Variants in SLC9A3 observed in about 807,000 individuals in gnomAD.
SLC9A3 encodes the protein solute carrier family 9 member A3, also known as sodium/hydrogen exchanger 3.
In SLC9A3, 37 loss-of-function variants were observed where a neutral mutation model predicts 86.8. The ratio of observed to expected loss-of-function variants is 0.43; its 90% CI spans 0.33 to 0.56. SLC9A3 has a LOEUF of 0.56. SLC9A3 is among the 20% of genes least tolerant of loss of function. The probability of loss-of-function intolerance (pLI) is 0.06; values close to 1 mark genes in which losing one functional copy is unlikely to be tolerated. For missense variants in SLC9A3, 1,011 were observed against 1,171.9 expected, an observed-to-expected ratio of 0.86 and a Z score of 2.00; for synonymous variants, 581 against 528.3, an observed-to-expected ratio of 1.10 and a Z score of -1.37.
At chr5:520,326 C>G (rs1227292105) in intron 1 of SLC9A3, among the ~76,000 whole-genome samples, 1 of 152,208 alleles carries the variant, frequency 6.6e-6, no homozygotes, top group African/African-American at 2.4e-5. Flanking sequence ...AATTGTAACT[C>G]CCCCAGTTCC....
chr5:521,062 C>T lies in SLC9A3; in HGVS notation c.211+3050G>A, dbSNP rs76970932. Among the ~76,000 whole-genome samples, 10 of 152,234 alleles carry T rather than the reference C, an allele frequency of 6.6e-5. No homozygotes were observed. In the South Asian group the frequency reaches 8.3e-4, roughly 13 times the overall value. ...GCCTGAGGCAGACACTAGGCCCTGC[C>T]GCCTCCACTGCTAAAGACTTCCTCG... On this transcript the variant is annotated intron_variant, in intron 1 of 16. Transcript: ENST00000264938.
chr5:479,657 C>T (rs1739025479), intron 10 of SLC9A3, 179 bp downstream of exon 10: 1 of 612,960 alleles, frequency 1.6e-6, no homozygotes, highest in South Asian at 1.9e-5. Flanking sequence ...CAGTTTACCC[C>T]ACGAGAGCCC....
chr5:502,507 A>G (rs534118667), intron 1 of SLC9A3, among the ~76,000 whole-genome samples: 2 of 152,382 alleles, frequency 1.3e-5, no homozygotes, highest in East Asian at 3.9e-4. Context: ...CACCGGTCGC[A>G]ACGTCCTGGG....
intron 1 of SLC9A3, among the ~76,000 whole-genome samples, chr5:495,394 C>T (rs553399615): frequency 1.6e-4 from 24 of 146,754 alleles, no homozygotes; most frequent in African/African-American, 5.5e-4. Flanking sequence ...GCGCCATCGC[C>T]GACCCTCCCC....
rs763807389 is a variant in SLC9A3, at chr5:482,067, C to T, written c.1446+1G>A. 3.5e-6 allele frequency: 5 copies of T among 1,445,036 alleles called. No homozygotes were observed. The highest frequency in any genetic ancestry group is 4.8e-6 in the Non-Finnish European group (5 of 1,045,916). 89.5% of individuals were successfully genotyped at this position (1,445,036 alleles called of 1,614,324 possible). On this transcript the variant is annotated splice_donor_variant, in intron 8 of 16. Coordinates refer to ENST00000264938, the MANE Select transcript of SLC9A3 (RefSeq NM_004174.4). LOFTEE classifies it high-confidence loss of function. ...CCCCCGCCCCCCAGCCCCGCACTTA[C>T]GCGCCCGTGCAGCTTCTCGTTGAGC... is the stretch of plus-strand genomic sequence containing the variant.
Position 472,280 on chromosome 5 carries a change from G to C in SLC9A3, c.*1099C>G, listed in dbSNP as rs1738401573. 2.9e-6 allele frequency: 1 copy of C among 350,222 alleles called. No homozygotes were observed. 21.7% of individuals were successfully genotyped at this position (350,222 alleles called of 1,614,324 possible). On this transcript the variant is annotated 3_prime_UTR_variant, in exon 17 of 17. Coordinates refer to ENST00000264938, the MANE Select transcript of SLC9A3 (RefSeq NM_004174.4). The stretch of plus-strand genomic sequence containing the variant: ...AGGGGTGGGAAGGGTCAGGGGTCCG[G>C]GGTCTAGGACAGGCTCAGGGGTCTC...
At chr5:517,997 G>A (rs563073839) in intron 1 of SLC9A3, among the ~76,000 whole-genome samples, 7 of 150,454 alleles carry the variant, frequency 4.7e-5, no homozygotes, top group South Asian at 2.1e-4. Context: ...ATCAATCCAC[G>A]CATCCATCCA....
intron 10 of SLC9A3, chr5:479,278 G>C (rs1241408950): frequency 6.4e-6 from 1 of 155,628 alleles, no homozygotes; most frequent in African/African-American, 2.4e-5. Flanking sequence ...GGGCAGGTGC[G>C]GGAGCCAGGG....
In SLC9A3 at chr5:497,149, C is replaced by T. The variant is rs1740052826; in HGVS notation, c.212-5078G>A. Reference sequence around the variant, plus strand: ...GCTAGCCTCAGAGAGACAGTCTTTCCACACAGATGTCTGTTCTTGAAATCC... The same window carrying T: ...GCTAGCCTCAGAGAGACAGTCTTTCTACACAGATGTCTGTTCTTGAAATCC... On this transcript the variant is annotated intron_variant, in intron 1 of 16. Coordinates refer to ENST00000264938, the MANE Select transcript of SLC9A3 (RefSeq NM_004174.4). The surrounding 1 kb of genome is among the most constrained non-coding windows in gnomAD (Gnocchi z 5.4). Among the ~76,000 whole-genome samples, 1 of 152,162 alleles carries T rather than the reference C, an allele frequency of 6.6e-6. No individual in the cohort carries two copies. Among genetic ancestry groups the T allele is most frequent in the South Asian group, 2.1e-4 (1 of 4,826 alleles).
chr5:524,027 G>A (rs941468417), intron 1 of SLC9A3, 85 bp downstream of exon 1: 1 of 915,430 alleles, frequency 1.1e-6, no homozygotes. Context: ...CCGACCTGAT[G>A]CGCGCGGCCA....
intron 4 of SLC9A3, among the ~76,000 whole-genome samples, 165 bp from the exon 5 acceptor site, chr5:484,862 G>A (rs926467283): frequency 6.6e-6 from 1 of 152,238 alleles, no homozygotes; most frequent in Non-Finnish European, 1.5e-5. Context: ...GGTTCAGCAA[G>A]TGGGGAGGAC....
intron 7 of SLC9A3, 138 bp from the exon 8 acceptor site, chr5:482,295 G>A (rs1041773920): frequency 5.7e-5 from 41 of 714,452 alleles, no homozygotes; most frequent in Admixed American, 4.5e-4. Context: ...AGCAACCCGC[G>A]CCCCTGCTTT....
chr5:479,647 C>T, intron 10 of SLC9A3, 189 bp downstream of exon 10: 1 of 592,984 alleles, frequency 1.7e-6, no homozygotes, highest in Non-Finnish European at 3.0e-6. Context: ...CTCTGTGACT[C>T]AGTTTACCCC....
In SLC9A3 at chr5:496,554, A is replaced by C. The variant is rs66857504; in HGVS notation, c.212-4483T>G. ...TGTCTTCAGCGGCAGGTAGATTTTC[A>C]CTTTCAAAAATGTTGCTCTCATCTT... On this transcript the variant is annotated intron_variant, in intron 1 of 16. Coordinates refer to ENST00000264938, the MANE Select transcript of SLC9A3 (RefSeq NM_004174.4). This position sits in a 1 kb window ranked among gnomAD's most constrained non-coding sequence, Gnocchi z 4.7. Among the ~76,000 whole-genome samples, 17,972 of 152,244 alleles carry C rather than the reference A, an allele frequency of 0.12. 1,404 individuals carry two copies. Among genetic ancestry groups the C allele is most frequent in the African/African-American group, 0.22 (8,988 of 41,508 alleles).
intron 1 of SLC9A3, among the ~76,000 whole-genome samples, chr5:509,653 G>A (rs1392037956): frequency 6.6e-6 from 1 of 152,178 alleles, no homozygotes; most frequent in Non-Finnish European, 1.5e-5. Flanking sequence ...AACCAAGCTT[G>A]CGGTTCCAGA....
intron 9 of SLC9A3, 40 bp from the exon 10 acceptor site, chr5:480,005 G>A (rs997452344): frequency 1.3e-6 from 2 of 1,594,374 alleles, no homozygotes; most frequent in African/African-American, 1.3e-5. Flanking sequence ...CAGGTGACAG[G>A]CGCCCTAGAG....
rs1186414370 is a variant in SLC9A3 at position 475,113 on chromosome 5, A to T, written c.2271T>A (p.Phe757Leu). Residue 757 changes from phenylalanine to leucine, a missense_variant, in exon 16 of 17, where the codon TTT becomes TTA. Coordinates refer to ENST00000264938, the MANE Select transcript of SLC9A3 (RefSeq NM_004174.4). Reference sequence around the variant, plus strand: ...TGCGGTCCAGGGCCTCGTCCGGAGAAAACACAGGGTTGTCAATTCCTAGGA... The same window carrying T: ...TGCGGTCCAGGGCCTCGTCCGGAGATAACACAGGGTTGTCAATTCCTAGGA... ...DSPAGIDNPV[F>L]SPDEALDRSL... 1 of 1,602,076 alleles carries T rather than the reference A, an allele frequency of 6.2e-7. No individual in the cohort carries two copies. The highest frequency in any genetic ancestry group is 8.5e-7 in the Non-Finnish European group (1 of 1,173,690).
chr5:477,206 T>A, intron 11 of SLC9A3, 126 bp downstream of exon 11: 1 of 639,610 alleles, frequency 1.6e-6, no homozygotes, highest in South Asian at 2.2e-5. Flanking sequence ...ACCCACCCCC[T>A]CTTTCTGCAC....
chr5:480,550 C>T (rs1739099353), intron 9 of SLC9A3: 1 of 153,438 alleles, frequency 6.5e-6, no homozygotes, highest in Middle Eastern at 3.2e-3. Flanking sequence ...TGGGCAGGCC[C>T]CGCGGCAGCA....
Sources: gnomAD v4.1 joint callset for allele counts (sites outside exome capture counted in the v4.1 genomes callset) on GRCh38, gnomAD v4.1.1 for gene constraint, Gnocchi (gnomAD v3.1) non-coding constraint, MANE v1.5 for transcripts, NCBI Gene and HGNC (gene_info 2026-07-23, HGNC 2026-07-21) for gene names.